The following RNF19A variants were observed in gnomAD, a reference collection of about 807,000 sequenced individuals.
RNF19A encodes ring finger protein 19A, RBR E3 ubiquitin protein ligase.
RNF19A carries 32 observed loss-of-function variants against 75.7 expected under a neutral mutation model. The observed-to-expected ratio is 0.42, with a 90% CI of 0.32 to 0.57. RNF19A has a LOEUF of 0.57. RNF19A is among the 20% of genes least tolerant of loss of function. The probability of loss-of-function intolerance (pLI) is 0.10; values close to 1 mark genes in which losing one functional copy is unlikely to be tolerated. For synonymous variants in RNF19A, 335 were observed against 345.2 expected (o/e 0.97, Z 0.33); for missense variants, 782 against 1,036.3 (o/e 0.75, Z 3.37).
Position 100,268,952 on chromosome 8 carries a change from C to T in RNF19A, c.1029-5G>A, listed in dbSNP as rs372161844. The T allele has an allele frequency of 3.3e-4, 514 of 1,559,454 alleles. No homozygotes were observed. Among genetic ancestry groups the T allele is most frequent in the Non-Finnish European group, 4.1e-4 (476 of 1,150,684 alleles). On this transcript the variant is annotated splice_polypyrimidine_tract_variant and splice_region_variant and intron_variant, in intron 4 of 9. Coordinates refer to ENST00000341084, the MANE Select transcript of RNF19A (RefSeq NM_183419.4). Reference sequence around the variant, plus strand: ...CAAAAAGTACATCCTGATGGACTAACGGAAAAAATTATAATGTAAATAACT... The same window carrying T: ...CAAAAAGTACATCCTGATGGACTAATGGAAAAAATTATAATGTAAATAACT...
At chr8:100,268,674 C>T in intron 5 of RNF19A, 111 bp downstream of exon 5, 2 of 567,622 alleles carry the variant, frequency 3.5e-6, no homozygotes, top group South Asian at 5.2e-5. Context: ...ACTAAAGATA[C>T]CCTTTGTCTA....
intron 1 of RNF19A, among the ~76,000 whole-genome samples, chr8:100,318,542 A>G (rs915075437): frequency 9.2e-5 from 14 of 152,260 alleles, no homozygotes; most frequent in African/African-American, 3.4e-4. Flanking sequence ...ATTTAAATGT[A>G]TACACAGAAT....
In RNF19A at chr8:100,317,607, T is replaced by C. The variant is rs1011555696; in HGVS notation, c.-242-4235A>G. Among the ~76,000 whole-genome samples, 3 of 152,184 alleles carry C rather than the reference T, an allele frequency of 2.0e-5. No homozygotes were observed. Among genetic ancestry groups the C allele is most frequent in the Admixed American group, 2.0e-4 (3 of 15,284 alleles). On this transcript the variant is annotated intron_variant, in intron 1 of 3. Transcript: ENST00000519527. The surrounding 1 kb of genome is among the most constrained non-coding windows in gnomAD (Gnocchi z 4.3). ...AGTCTTTCTTGGTTCCCTTCCCTGT[T>C]TGACTGACTCACAGGCAAGCCCACA...
Position 100,260,365 on chromosome 8 carries a change from A to T in RNF19A, c.1683-368T>A, listed in dbSNP as rs1165173481. On this transcript the variant is annotated intron_variant, in intron 8 of 9. Transcript: ENST00000341084. This position sits in a 1 kb window ranked among gnomAD's most constrained non-coding sequence, Gnocchi z 4.1. Reference sequence around the variant, plus strand: ...AATCATTAAACATGACACACCAATGAATCCAAAAATCCTGGGCATCTATAT... The same window carrying T: ...AATCATTAAACATGACACACCAATGTATCCAAAAATCCTGGGCATCTATAT... Among the ~76,000 whole-genome samples, 1 of 152,218 alleles carries T rather than the reference A, an allele frequency of 6.6e-6. No homozygotes were observed. The highest frequency in any genetic ancestry group is 2.4e-5 in the African/African-American group (1 of 41,464).
rs1384678419 is a variant in RNF19A, at chr8:100,269,455, T to C, written c.1028+414A>G. Among the ~76,000 whole-genome samples, 1 of 151,888 alleles carries C rather than the reference T, an allele frequency of 6.6e-6. No individual in the cohort carries two copies. The highest frequency in any genetic ancestry group is 1.5e-5 in the Non-Finnish European group (1 of 67,932). On this transcript the variant is annotated intron_variant, in intron 4 of 9. Coordinates refer to ENST00000341084, the MANE Select transcript of RNF19A (RefSeq NM_183419.4). The surrounding 1 kb of genome is among the most constrained non-coding windows in gnomAD (Gnocchi z 5.7). The stretch of plus-strand genomic sequence containing the variant: ...TTAAAAATTTATCCCTAGTCCTCCA[T>C]TATCCTCAAACCCTTAAGTCAGTTT...
At chr8:100,281,043 A>G (rs1180939195) in intron 2 of RNF19A, among the ~76,000 whole-genome samples, 1 of 152,196 alleles carries the variant, frequency 6.6e-6, no homozygotes, top group Non-Finnish European at 1.5e-5. Context: ...CTCTGACTCA[A>G]ACAGCCCCCA....
chr8:100,294,456 A>C (rs1481392345), intron 1 of RNF19A, among the ~76,000 whole-genome samples: 1 of 152,108 alleles, frequency 6.6e-6, no homozygotes, highest in Non-Finnish European at 1.5e-5. Flanking sequence ...ACTCCTTGGA[A>C]TCTCCCAAGC....
intron 1 of RNF19A, among the ~76,000 whole-genome samples, chr8:100,294,073 G>C (rs938941826): frequency 2.6e-5 from 4 of 152,192 alleles, no homozygotes; most frequent in African/African-American, 9.7e-5. Flanking sequence ...GCTAATTGCA[G>C]AGTCTGCTAC....
At chr8:100,268,226 G>C (rs1233532188) in intron 5 of RNF19A, among the ~76,000 whole-genome samples, 1 of 151,642 alleles carries the variant, frequency 6.6e-6, no homozygotes, top group Non-Finnish European at 1.5e-5. Flanking sequence ...CTTAACAAAA[G>C]AACTATTTGC....
At chr8:100,278,930 G>C (rs1350842365) in intron 2 of RNF19A, among the ~76,000 whole-genome samples, 3 of 152,104 alleles carry the variant, frequency 2.0e-5, no homozygotes, top group African/African-American at 7.2e-5. Context: ...CAAGAAAACA[G>C]AGAAAACCGT....
At chr8:100,285,795 G>T (rs1294697081) in intron 2 of RNF19A, among the ~76,000 whole-genome samples, 1 of 152,022 alleles carries the variant, frequency 6.6e-6, no homozygotes, top group African/African-American at 2.4e-5. Flanking sequence ...ACCACGCCCA[G>T]TTGTAGATTT....
intron 1 of RNF19A, among the ~76,000 whole-genome samples, chr8:100,299,983 A>G (rs1374908278): frequency 1.3e-5 from 2 of 152,208 alleles, no homozygotes; most frequent in Admixed American, 6.5e-5. Context: ...TAATTGAATG[A>G]TATATGTACA....
chr8:100,262,871 G>A (rs191598912), intron 7 of RNF19A, among the ~76,000 whole-genome samples: 8 of 152,288 alleles, frequency 5.3e-5, no homozygotes, highest in Admixed American at 2.0e-4. Flanking sequence ...TTTGCTGACA[G>A]ATCAATCAGA....
intron 2 of RNF19A, among the ~76,000 whole-genome samples, chr8:100,285,628 T>C (rs980900455): frequency 1.3e-5 from 2 of 152,070 alleles, no homozygotes; most frequent in Non-Finnish European, 2.9e-5. Context: ...TCCTTTATCA[T>C]TGTCAGAATT....
intron 1 of RNF19A, among the ~76,000 whole-genome samples, chr8:100,293,020 AT>A: frequency 6.6e-6 from 1 of 152,306 alleles, no homozygotes; most frequent in Non-Finnish European, 1.5e-5. Flanking sequence ...CAGGCATTAT[AT>A]TCTCATATGG....
At position 100,288,088 on chromosome 8, in the gene RNF19A, A is replaced by C. The variant is rs758067678; in HGVS notation, c.87T>G (p.Ile29Met). The C allele has an allele frequency of 2.5e-6, 4 of 1,614,140 alleles. No individual in the cohort carries two copies. In the Admixed American group the frequency reaches 6.7e-5, roughly 27 times the overall value. Residue 29 changes from isoleucine (I) to methionine (M), a missense_variant, in exon 2 of 10, where the codon ATT becomes ATG. Physicochemically the swap from Ile to Met is conservative, Grantham distance 10. This residue lies in a region of RNF19A where 148 missense variants were observed against 147.9 expected (regional missense o/e 1.00). Transcript: ENST00000341084. ...NTDPVSILTSILDMSLHRQMG... is the reference protein window; with the variant it reads ...NTDPVSILTSMLDMSLHRQMG... ...TTTGCCGATGTAAACTCATGTCTAA[A>C]ATGCTTGTTAGAATTGAGACAGGGT...
chr8:100,276,417 T>G (rs1265035314), intron 2 of RNF19A, among the ~76,000 whole-genome samples: 1 of 151,678 alleles, frequency 6.6e-6, no homozygotes, highest in African/African-American at 2.4e-5. Context: ...GAATGGGGAC[T>G]GGGGAGGGGA....
intron 5 of RNF19A, among the ~76,000 whole-genome samples, chr8:100,267,010 C>G (rs1820014218): frequency 6.6e-6 from 1 of 152,022 alleles, no homozygotes; most frequent in Non-Finnish European, 1.5e-5. Flanking sequence ...CCAGTCGGGT[C>G]CCAGAAGTTA....
At chr8:100,295,697 A>G (rs568787711) in intron 1 of RNF19A, among the ~76,000 whole-genome samples, 8 of 152,348 alleles carry the variant, frequency 5.3e-5, no homozygotes, top group African/African-American at 1.9e-4. Flanking sequence ...GATAATTATC[A>G]TAAGCCATCC....
Sources: gnomAD v4.1 joint callset for allele counts (sites outside exome capture counted in the v4.1 genomes callset) on GRCh38, gnomAD v4.1.1 for gene constraint, gnomAD v4.1.1 regional missense constraint, Gnocchi (gnomAD v3.1) non-coding constraint, MANE v1.5 for transcripts, NCBI Gene and HGNC (gene_info 2026-07-23, HGNC 2026-07-21) for gene names.